PFKFB1: variants seen among roughly 807,000 people sequenced by gnomAD.
The protein encoded by PFKFB1 is 6-phosphofructo-2-kinase/fructose-2,6-biphosphatase 1.
A neutral mutation model predicts 46.4 loss-of-function variants in PFKFB1; 34 were observed. The ratio of observed to expected loss-of-function variants is 0.73; its 90% CI spans 0.56 to 0.98. The LOEUF (loss-of-function observed/expected upper bound fraction) is 0.98, where lower values mean the gene tolerates loss of function less well. PFKFB1 is among the 50% of genes least tolerant of loss of function. The pLI is 0.00. For synonymous variants in PFKFB1, 119 were observed against 133.8 expected, an observed-to-expected ratio of 0.89 and a Z score of 0.76; for missense variants, 393 against 376.3, an observed-to-expected ratio of 1.04 and a Z score of -0.37.
intron 1 of PFKFB1, among the ~76,000 whole-genome samples, chrX:54,965,854 ATATAAAAATG>A (rs1162646146): frequency 3.6e-5 from 4 of 111,466 alleles, no homozygotes; most frequent in Non-Finnish European, 7.5e-5. Context: ...GAACCAAATT[ATATAAAAATG>A]TACATTACAA....
intron 10 of PFKFB1, 73 bp downstream of exon 10, chrX:54,945,366 T>C (rs1455919528): frequency 1.7e-6 from 1 of 573,612 alleles, no homozygotes; most frequent in Non-Finnish European, 2.8e-6. Context: ...TCTAGACAAT[T>C]GTGGAATCCT....
At chrX:54,966,908 C>T (rs1007636890) in intron 1 of PFKFB1, among the ~76,000 whole-genome samples, 5 of 111,344 alleles carry the variant, frequency 4.5e-5, no homozygotes, top group Middle Eastern at 4.6e-3. Flanking sequence ...TGATTTGAAC[C>T]CCTGGGCTTA....
intron 11 of PFKFB1, among the ~76,000 whole-genome samples, chrX:54,935,824 C>G (rs896397197): frequency 9.0e-6 from 1 of 111,611 alleles, no homozygotes; most frequent in Non-Finnish European, 1.9e-5. Context: ...CTGCTAGGCA[C>G]TCTCTCCTGA....
At chrX:54,942,873 T>C (rs957367506) in intron 10 of PFKFB1, among the ~76,000 whole-genome samples, 3 of 111,432 alleles carry the variant, frequency 2.7e-5, no homozygotes, top group Non-Finnish European at 5.7e-5. Context: ...AAACTCAGTG[T>C]ATGGGGTAAG....
intron 9 of PFKFB1, among the ~76,000 whole-genome samples, chrX:54,948,098 T>C (rs1933858060): frequency 9.1e-6 from 1 of 110,235 alleles, no homozygotes; most frequent in Non-Finnish European, 1.9e-5. Context: ...AATTTTTAAA[T>C]TGTTTGTAGA....
At chrX:54,933,681 C>T (rs1166763994) in intron 13 of PFKFB1, 140 bp downstream of exon 13, 3 of 547,717 alleles carry the variant, frequency 5.5e-6, no homozygotes, top group African/African-American at 2.3e-5. Flanking sequence ...GTGGTTTCTG[C>T]ATTTCTGGGT....
rs145514007 is a variant in PFKFB1, at chrX:54,973,722, T to C, written c.98-10340A>G. Reference sequence around the variant, plus strand: ...CTGAGAGACAGTTTGTTATAATTTCTGTTCTTTTACATTTGCCGAGGACAG... The same window carrying C: ...CTGAGAGACAGTTTGTTATAATTTCCGTTCTTTTACATTTGCCGAGGACAG... On this transcript the variant is annotated intron_variant, in intron 1 of 13. Transcript: ENST00000375006. 4.5e-3 allele frequency among the ~76,000 whole-genome samples: 503 copies of C among 111,570 alleles called. 1 individual carries two copies. Among genetic ancestry groups the C allele is most frequent in the African/African-American group, 0.016 (476 of 30,672 alleles).
intron 1 of PFKFB1, among the ~76,000 whole-genome samples, chrX:54,984,012 G>T (rs958183115): frequency 9.0e-6 from 1 of 111,015 alleles, no homozygotes; most frequent in African/African-American, 3.3e-5. Flanking sequence ...TTTTAATAGG[G>T]TTGTTTTTTT....
intron 1 of PFKFB1, among the ~76,000 whole-genome samples, chrX:54,974,954 T>C (rs917310175): frequency 2.7e-5 from 3 of 110,787 alleles, no homozygotes; most frequent in African/African-American, 9.8e-5. Flanking sequence ...TAAAAAAAAA[T>C]ACATCTTGGC....
intron 1 of PFKFB1, among the ~76,000 whole-genome samples, chrX:54,993,677 G>T (rs1033255572): frequency 5.3e-5 from 6 of 112,302 alleles, no homozygotes; most frequent in Non-Finnish European, 9.4e-5. Flanking sequence ...AGATCCCTCT[G>T]ATTAAGATGG....
intron 8 of PFKFB1, among the ~76,000 whole-genome samples, 155 bp from the exon 9 acceptor site, chrX:54,949,376 T>C (rs1933898186): frequency 9.2e-6 from 1 of 108,974 alleles, no homozygotes; most frequent in African/African-American, 3.4e-5. Flanking sequence ...TAAAAAGCCA[T>C]ACTCTTTCCA....
At chrX:54,985,637 A>G (rs1254515777) in intron 1 of PFKFB1, among the ~76,000 whole-genome samples, 1 of 111,035 alleles carries the variant, frequency 9.0e-6, no homozygotes, top group Non-Finnish European at 1.9e-5. Flanking sequence ...AAATACATAC[A>G]TGTTCTCCTT....
Position 54,949,230 on chromosome X carries a change from T to A in PFKFB1, c.847-9A>T. On this transcript the variant is annotated splice_polypyrimidine_tract_variant and intron_variant, in intron 8 of 13. Transcript: ENST00000375006. ...GCCAGGGCATAGGCATACTAGGATG[T>A]GGGGATGCAGAGGAGGAGAGAAGGG... 2 of 1,183,576 alleles carry A rather than the reference T, an allele frequency of 1.7e-6. No homozygotes were observed. Among genetic ancestry groups the A allele is most frequent in the Non-Finnish European group, 1.1e-6 (1 of 878,008 alleles).
chrX:54,970,173 T>C lies in PFKFB1; in HGVS notation c.98-6791A>G, dbSNP rs988832117. 2.7e-5 allele frequency among the ~76,000 whole-genome samples: 3 copies of C among 111,226 alleles called. No individual in the cohort carries two copies. The East Asian group carries it at 8.4e-4, about 31-fold the overall frequency. On this transcript the variant is annotated intron_variant, in intron 1 of 13. Coordinates refer to ENST00000375006, the MANE Select transcript of PFKFB1 (RefSeq NM_002625.4). ...ATCTGCCCACCTCAGTCTCCCAAAG[T>C]GCTGGGATTATAGGCATGAGCCACT... is the stretch of plus-strand genomic sequence containing the variant.
rs751457409 is a variant in PFKFB1 at position 54,951,970 on chromosome X, C to A, written c.781G>T (p.Glu261Ter). 13 of 1,209,048 alleles carry A rather than the reference C, an allele frequency of 1.1e-5. No individual in the cohort carries two copies. The highest frequency in any genetic ancestry group is 3.4e-6 in the Non-Finnish European group (3 of 894,512). ...CGGCCTCTGATGTTGAGTTCACTCT[C>A]GCCATGTCGGCAAAGGTAGATGGAG... ...PRSIYLCRHG[E>*]SELNIRGRIG... is the part of the protein sequence containing the mutation. The change falls in exon 8 of 14, where the codon GAG becomes TAG. Residue 261 changes from glutamate to a stop codon, truncating the protein, a stop_gained. Coordinates refer to ENST00000375006, the MANE Select transcript of PFKFB1 (RefSeq NM_002625.4). LOFTEE classifies it high-confidence loss of function.
At chrX:54,978,774 A>G (rs1934898979) in intron 1 of PFKFB1, among the ~76,000 whole-genome samples, 1 of 111,989 alleles carries the variant, frequency 8.9e-6, no homozygotes, top group African/African-American at 3.2e-5. Flanking sequence ...CCTCACCTCT[A>G]TGGTATTCTC....
chrX:54,977,406 A>G (rs1404136326), intron 1 of PFKFB1, among the ~76,000 whole-genome samples: 3 of 110,283 alleles, frequency 2.7e-5, no homozygotes, highest in African/African-American at 9.9e-5. Context: ...TGGAATAAAT[A>G]AATAAACAAA....
intron 7 of PFKFB1, among the ~76,000 whole-genome samples, chrX:54,953,834 A>G (rs181093261): frequency 9.0e-6 from 1 of 111,634 alleles, no homozygotes; most frequent in East Asian, 2.8e-4. Context: ...TACCTTTGCT[A>G]TTACTCTTGG....
chrX:54,997,463 A>G (rs946356552), upstream of PFKFB1, among the ~76,000 whole-genome samples: 3 of 111,839 alleles, frequency 2.7e-5, no homozygotes, highest in African/African-American at 9.8e-5. Flanking sequence ...CAAGGCCCCC[A>G]GATCCTGACC....
Sources: allele counts gnomAD v4.1 joint callset (sites outside exome capture counted in the v4.1 genomes callset), GRCh38; gene constraint gnomAD v4.1.1; transcripts MANE v1.5; gene names NCBI Gene and HGNC (gene_info 2026-07-23, HGNC 2026-07-21).